The following PADI1 variants were observed in gnomAD, a reference collection of about 807,000 sequenced individuals.
The protein encoded by PADI1 is protein-arginine deiminase type-1.
A neutral mutation model predicts 74.8 loss-of-function variants in PADI1; 65 were observed. That is an observed-to-expected ratio of 0.87 (90% CI 0.71 to 1.07). The LOEUF (loss-of-function observed/expected upper bound fraction) is 1.07. Ranked by LOEUF, PADI1 falls within the 50% of genes least tolerant of loss-of-function variation. The pLI is 0.00. For synonymous variants in PADI1, 371 were observed against 336.2 expected, an observed-to-expected ratio of 1.10 and a Z score of -1.13; for missense variants, 943 against 854.0, an observed-to-expected ratio of 1.10 and a Z score of -1.30.
chr1:17,212,080 CT>C lies in PADI1; in HGVS notation c.92+6774del, dbSNP rs998244252. The stretch of plus-strand genomic sequence containing the variant: ...TGTGTGCCCCAGGGAAGCTGCTGGC[CT>C]TTAGCTGGAGCTCACGGGGTGGCGG... On this transcript the variant is annotated intron_variant, in intron 1 of 15. Coordinates refer to ENST00000375471, the MANE Select transcript of PADI1 (RefSeq NM_013358.3). 3.9e-4 allele frequency among the ~76,000 whole-genome samples: 59 copies of C among 152,310 alleles called. 1 individual carries two copies. Among genetic ancestry groups the C allele is most frequent in the Admixed American group, 1.6e-3 (24 of 15,308 alleles).
intron 1 of PADI1, among the ~76,000 whole-genome samples, chr1:17,210,457 CCT>C (rs976354850): frequency 3.3e-5 from 5 of 151,926 alleles, no homozygotes; most frequent in Non-Finnish European, 7.4e-5. Flanking sequence ...GTCCCCAGCC[CCT>C]GTTTATCTCT....
At chr1:17,230,970 G>T (rs542133105) in intron 10 of PADI1, among the ~76,000 whole-genome samples, 29 of 152,338 alleles carry the variant, frequency 1.9e-4, no homozygotes, top group African/African-American at 6.7e-4. Context: ...AGGGGGAATT[G>T]GCAGTGTGGT....
chr1:17,222,950 C>G (rs906123399), intron 2 of PADI1, among the ~76,000 whole-genome samples: 10 of 151,336 alleles, frequency 6.6e-5, no homozygotes, highest in Non-Finnish European at 1.2e-4. Flanking sequence ...CTCGCCCCAG[C>G]CCCCAGCACC....
intron 3 of PADI1, among the ~76,000 whole-genome samples, chr1:17,224,105 T>G (rs991128921): frequency 1.3e-5 from 2 of 152,162 alleles, no homozygotes; most frequent in South Asian, 2.1e-4. Context: ...GCATATGATT[T>G]GGAACCCCAA....
At chr1:17,237,634 T>G (rs1315358372) in intron 12 of PADI1, among the ~76,000 whole-genome samples, 176 bp downstream of exon 12, 1 of 152,212 alleles carries the variant, frequency 6.6e-6, no homozygotes, top group South Asian at 2.1e-4. Context: ...CCAGGGTATT[T>G]GTGCTTGGAC....
chr1:17,220,582 C>T (rs976462678), intron 1 of PADI1, among the ~76,000 whole-genome samples: 4 of 152,122 alleles, frequency 2.6e-5, no homozygotes, highest in Non-Finnish European at 5.9e-5. Flanking sequence ...CCTCCAGCAG[C>T]ATCTTTGTAG....
intron 1 of PADI1, among the ~76,000 whole-genome samples, chr1:17,213,149 C>T (rs1476602771): frequency 1.3e-5 from 1 of 74,546 alleles, no homozygotes; most frequent in Non-Finnish European, 2.9e-5. Context: ...CTTAACTTCT[C>T]CGAGATTTCT....
chr1:17,240,866 C>A (rs2072762335), intron 15 of PADI1, 106 bp downstream of exon 15: 2 of 1,232,420 alleles, frequency 1.6e-6, no homozygotes, highest in Admixed American at 2.2e-5. Context: ...GCCCTGCGGA[C>A]CTCTCCAGTG....
At chr1:17,226,621 G>A (rs2072320236) in intron 6 of PADI1, among the ~76,000 whole-genome samples, 1 of 152,108 alleles carries the variant, frequency 6.6e-6, no homozygotes, top group Admixed American at 6.5e-5. Flanking sequence ...ATCAGCCTGT[G>A]GCTTAAAAAA....
chr1:17,234,900 T>C (rs1373057769), intron 11 of PADI1, among the ~76,000 whole-genome samples: 1 of 152,102 alleles, frequency 6.6e-6, no homozygotes, highest in Non-Finnish European at 1.5e-5. Context: ...GTGGATCACC[T>C]GAGGCCAGGA....
chr1:17,225,934 T>G lies in PADI1; in HGVS notation c.526+6T>G, dbSNP rs757823246. On this transcript the variant is annotated splice_donor_region_variant and intron_variant, in intron 5 of 15. Transcript: ENST00000375471. ...CTGGCTGATGTCGCTGGCTGGTGAG[T>G]GACACAAGGTGTTGTCTGGGGAGTG... 1 of 1,612,706 alleles carries G rather than the reference T, an allele frequency of 6.2e-7. No individual in the cohort carries two copies.
In PADI1 at chr1:17,238,708, TG is replaced by T. The variant is rs2100525305; in HGVS notation, c.1552+1del. ...EGYGEAAQFD[G>X]LKHQAKRSIN... ...GTTATGGGGAGGCAGCCCAGTTTGA[TG>T]GTGAGTGCCAATGACCCGGTCACCC... On this transcript the variant is annotated frameshift_variant and splice_region_variant, in exon 13 of 16. Transcript: ENST00000375471. LOFTEE classifies it high-confidence loss of function. 1 of 1,499,804 alleles carries T rather than the reference TG, an allele frequency of 6.7e-7. No individual in the cohort carries two copies. The highest frequency in any genetic ancestry group is 2.5e-5 in the East Asian group (1 of 39,298). The allele number at this position is 1,499,804 out of a possible 1,614,324, so 92.9% of individuals were successfully genotyped here. A position where few individuals can be genotyped will look rare whatever the true frequency, so the allele number is the denominator to read the frequency against.
rs1386381061 is a variant in PADI1, at chr1:17,226,143, G to A, written c.637G>A (p.Val213Ile). Residue 213 changes from valine to isoleucine, a missense_variant, in exon 6 of 16, where the codon GTC (valine) becomes ATC (isoleucine). Val to Ile is a conservative substitution (Grantham distance 29, BLOSUM62 3). Transcript: ENST00000375471. ...CTTTTCTGATTCCAAAAGAGTGAGG[G>A]TCTTCTGTGCCAGGGGTGAGTGGCC... ...VPFSDSKRVRVFCARGGNSLS... is the reference protein window; with the variant it reads ...VPFSDSKRVRIFCARGGNSLS... 1.2e-6 allele frequency: 2 copies of A among 1,614,100 alleles called. No homozygotes were observed. The highest frequency in any genetic ancestry group is 2.2e-5 in the East Asian group (1 of 44,890).
Position 17,224,560 on chromosome 1 carries a change from C to T in PADI1, c.408+132C>T, listed in dbSNP as rs545409877. The stretch of plus-strand genomic sequence containing the variant: ...CTGTAGTATCCAACCATGTAGGGAA[C>T]CCATCTGGGACAGCAAAATTGGCAT... On this transcript the variant is annotated intron_variant, in intron 4 of 15. Coordinates refer to ENST00000375471, the MANE Select transcript of PADI1 (RefSeq NM_013358.3). The T allele has an allele frequency of 6.6e-5, 48 of 729,630 alleles. No individual in the cohort carries two copies. The African/African-American group carries it at 7.3e-4, about 11-fold the overall frequency. The allele number at this position is 729,630 out of a possible 1,614,324, so 45.2% of individuals were successfully genotyped here.
Position 17,244,304 on chromosome 1 carries a change from C to A in PADI1, c.*61C>A. On this transcript the variant is annotated 3_prime_UTR_variant, in exon 16 of 16. Coordinates refer to ENST00000375471, the MANE Select transcript of PADI1 (RefSeq NM_013358.3). ...CTAGGGAACCCTGCCAGGGTGAAGG[C>A]AAGGAACAACCACCTGGCCTCCATT... 2.4e-6 allele frequency: 3 copies of A among 1,260,790 alleles called. No homozygotes were observed. Among genetic ancestry groups the A allele is most frequent in the Non-Finnish European group, 3.5e-6 (3 of 858,838 alleles). 78.1% of individuals were successfully genotyped at this position (1,260,790 alleles called of 1,614,324 possible).
chr1:17,214,920 C>A (rs1383840196), intron 1 of PADI1, among the ~76,000 whole-genome samples: 1 of 152,232 alleles, frequency 6.6e-6, no homozygotes, highest in Non-Finnish European at 1.5e-5. Flanking sequence ...GCTTGGGTGC[C>A]AGAGAGAATA....
chr1:17,210,202 G>A (rs2071797775), intron 1 of PADI1, among the ~76,000 whole-genome samples: 1 of 151,820 alleles, frequency 6.6e-6, no homozygotes, highest in African/African-American at 2.4e-5. Flanking sequence ...CTGTCACCCA[G>A]GCTAGGGTGC....
At position 17,223,672 on chromosome 1, in the gene PADI1, G is replaced by A. The variant is rs150850858; in HGVS notation, c.325G>A (p.Val109Met). The A allele has an allele frequency of 3.2e-4, 510 of 1,614,070 alleles. 5 individuals carry two copies. In the African/African-American group the frequency reaches 4.3e-3, roughly 14 times the overall value. The change falls in exon 3 of 16, where the codon GTG becomes ATG. Residue 109 changes from valine (V) to methionine (M), a missense_variant. Val to Met is a conservative substitution (Grantham distance 21, BLOSUM62 1). Transcript: ENST00000375471. Reference sequence around the variant, plus strand: ...GGAAGACCAAGCTCTGGGCCGCAGCGTGCTTTACCTCACTGGCGTCGGTAA... The same window carrying A: ...GGAAGACCAAGCTCTGGGCCGCAGCATGCTTTACCTCACTGGCGTCGGTAA... ...EQEDQALGRS[V>M]LYLTGVDISL...
At chr1:17,240,247 G>A (rs1569852496) in intron 14 of PADI1, 1 of 244,972 alleles carries the variant, frequency 4.1e-6, no homozygotes, top group East Asian at 9.2e-5. Context: ...GGCTAGCACA[G>A]AGTCGGTGCT....
Sources: allele counts gnomAD v4.1 joint callset (sites outside exome capture counted in the v4.1 genomes callset), GRCh38; gene constraint gnomAD v4.1.1; transcripts MANE v1.5; gene names NCBI Gene and HGNC (gene_info 2026-07-23, HGNC 2026-07-21).